ANO2: variants seen among roughly 807,000 people sequenced by gnomAD.
ANO2 encodes the protein anoctamin-2.
In ANO2, 101 loss-of-function variants were observed where a neutral mutation model predicts 124.2. The observed-to-expected ratio is 0.81, with a 90% CI of 0.69 to 0.96. The LOEUF (loss-of-function observed/expected upper bound fraction) is 0.96, where lower values mean the gene tolerates loss of function less well. Ranked by LOEUF, ANO2 falls within the 40% of genes least tolerant of loss-of-function variation. ANO2 has a pLI of 0.00. For synonymous variants in ANO2, 486 were observed against 482.5 expected, an observed-to-expected ratio of 1.01 and a Z score of -0.09; for missense variants, 1,293 against 1,274.5, an observed-to-expected ratio of 1.01 and a Z score of -0.22.
Position 5,832,527 on chromosome 12 carries a change from T to C in ANO2, c.710A>G (p.Gln237Arg), listed in dbSNP as rs1187266434. 3 of 1,613,918 alleles carry C rather than the reference T, an allele frequency of 1.9e-6. No individual in the cohort carries two copies. The highest frequency in any genetic ancestry group is 2.7e-5 in the African/African-American group (2 of 74,946). The part of the protein sequence containing the change: ...AALQKLSSHL[Q>R]PRVPEHSNNK... ...GTTGCTGTGTTCTGGAACTCGGGGC[T>C]GCAGGTGCGAGCTCAGCTTCTGCAG... The change falls in exon 5 of 25, where the codon CAG becomes CGG. Residue 237 changes from glutamine (Q) to arginine (R), a missense_variant. Transcript: ENST00000682330.
chr12:5,733,167 C>T, intron 13 of ANO2: 1 of 511,144 alleles, frequency 2.0e-6, no homozygotes, highest in Non-Finnish European at 3.6e-6. Context: ...TCAAGGGTGG[C>T]CATAGGGAAT....
intron 14 of ANO2, among the ~76,000 whole-genome samples, chr12:5,709,811 C>T (rs1014300537): frequency 2.6e-5 from 4 of 152,216 alleles, no homozygotes; most frequent in Non-Finnish European, 5.9e-5. Flanking sequence ...TCTGTAAGGA[C>T]AGAGCATCTT....
At chr12:5,801,906 C>A (rs1417895187) in intron 9 of ANO2, among the ~76,000 whole-genome samples, 7 of 152,336 alleles carry the variant, frequency 4.6e-5, no homozygotes, top group African/African-American at 1.7e-4. Flanking sequence ...AAACCCTGGG[C>A]TCTCCAACAC....
Position 5,922,610 on chromosome 12 carries a change from C to CCCAAAAA in ANO2, c.207+9_207+10insTTTTTGG. The CCCAAAAA allele has an allele frequency of 6.6e-7, 1 of 1,525,508 alleles. No individual in the cohort carries two copies. Among genetic ancestry groups the CCCAAAAA allele is most frequent in the Non-Finnish European group, 8.8e-7 (1 of 1,136,242 alleles). 94.5% of individuals were successfully genotyped at this position (1,525,508 alleles called of 1,614,324 possible). On this transcript the variant is annotated intron_variant, in intron 2 of 24. Transcript: ENST00000682330. Reference sequence around the variant, plus strand: ...CCTATCCCCCCACCCCACCCCCGCCCAGTACTCACAGAGCTGCTGCGGGTG... The same window carrying CCCAAAAA: ...CCTATCCCCCCACCCCACCCCCGCCCCCAAAAAAGTACTCACAGAGCTGCTGCGGGTG...
In ANO2 at chr12:5,945,187, A is replaced by C. The variant is rs564208938; in HGVS notation, c.22+9T>G. 2.8e-5 allele frequency: 36 copies of C among 1,288,688 alleles called. No homozygotes were observed. In the South Asian group the frequency reaches 3.5e-4, roughly 12 times the overall value. 79.8% of individuals were successfully genotyped at this position (1,288,688 alleles called of 1,614,324 possible). On this transcript the variant is annotated intron_variant, in intron 1 of 24. Transcript: ENST00000682330. ...GGAGACCAGGACCAGGTCCAGCCGG[A>C]AAACTCACCGCGCGGCCCGGGAGTC... is the stretch of plus-strand genomic sequence containing the variant.
intron 16 of ANO2, among the ~76,000 whole-genome samples, chr12:5,633,663 C>T (rs917725006): frequency 2.6e-5 from 4 of 152,178 alleles, no homozygotes; most frequent in Non-Finnish European, 4.4e-5. Context: ...GTGCCCTGGA[C>T]GTAGAGCCCC....
intron 3 of ANO2, among the ~76,000 whole-genome samples, chr12:5,880,530 T>C (rs1224384046): frequency 6.6e-6 from 1 of 151,906 alleles, no homozygotes; most frequent in African/African-American, 2.4e-5. Context: ...AGGAAGCCCA[T>C]AGAGGCAGAG....
At chr12:5,839,687 G>A (rs1954450229) in intron 4 of ANO2, 1 of 454,038 alleles carries the variant, frequency 2.2e-6, no homozygotes, top group African/African-American at 2.0e-5. Context: ...TTCCATGTAT[G>A]GAATGTTTTG....
At chr12:5,579,285 G>A (rs937144802) in intron 20 of ANO2, among the ~76,000 whole-genome samples, 4 of 152,218 alleles carry the variant, frequency 2.6e-5, no homozygotes, top group African/African-American at 9.6e-5. Context: ...AAGGTTTTAT[G>A]TATGCCAAGA....
At chr12:5,821,625 T>C (rs1343003792) in intron 7 of ANO2, among the ~76,000 whole-genome samples, 1 of 152,242 alleles carries the variant, frequency 6.6e-6, no homozygotes, top group African/African-American at 2.4e-5. Context: ...AGCAAGGCCC[T>C]GCCATCTTCT....
intron 7 of ANO2, among the ~76,000 whole-genome samples, chr12:5,826,469 T>C (rs1591661930): frequency 2.4e-5 from 2 of 83,552 alleles, no homozygotes; most frequent in East Asian, 8.0e-4. Context: ...TATATATATA[T>C]ATATATATCC....
intron 4 of ANO2, among the ~76,000 whole-genome samples, chr12:5,837,493 A>C (rs1954368094): frequency 1.1e-5 from 1 of 92,990 alleles, no homozygotes. Context: ...CCACCCCACA[A>C]CAGTCCCCAG....
In ANO2 at chr12:5,770,592, C is replaced by T. The variant is rs527557508; in HGVS notation, c.1056-19622G>A. ...CTTTCAAAAATACACCAAATCCAAC[C>T]ATGTGTCACCATCTCCACCACCAAT... On this transcript the variant is annotated intron_variant, in intron 10 of 24. Transcript: ENST00000682330. Among the ~76,000 whole-genome samples, 9 of 152,218 alleles carry T rather than the reference C, an allele frequency of 5.9e-5. No homozygotes were observed. The East Asian group carries it at 1.5e-3, about 26-fold the overall frequency.
intron 16 of ANO2, among the ~76,000 whole-genome samples, chr12:5,618,412 T>C (rs1422014029): frequency 6.6e-6 from 1 of 152,148 alleles, no homozygotes; most frequent in African/African-American, 2.4e-5. Context: ...TACGTAGGTG[T>C]GCACTGTCAT....
At chr12:5,583,927 G>C (rs1942929515) in intron 20 of ANO2, 1 of 222,716 alleles carries the variant, frequency 4.5e-6, no homozygotes, top group African/African-American at 2.3e-5. Context: ...GAGTGTGCCA[G>C]CTTCCTGCAC....
chr12:5,711,087 G>A (rs1332218087), intron 14 of ANO2, among the ~76,000 whole-genome samples: 1 of 151,942 alleles, frequency 6.6e-6, no homozygotes, highest in Non-Finnish European at 1.5e-5. Flanking sequence ...GAACCTGGGA[G>A]GCAGAGCTTG....
rs189907814 is a variant in ANO2 at position 5,665,863 on chromosome 12, C to T, written c.1546-18062G>A. ...TACTCTGTACCACAGGGTACAGAGC[C>T]ACCCCCCTGTGCCACTGGCTGGGGG... On this transcript the variant is annotated intron_variant, in intron 14 of 24. Coordinates refer to ENST00000682330, the MANE Select transcript of ANO2 (RefSeq NM_001364791.2). Among the ~76,000 whole-genome samples, 388 of 152,230 alleles carry T rather than the reference C, an allele frequency of 2.5e-3. 3 individuals are homozygous for T. The highest frequency in any genetic ancestry group is 8.4e-3 in the African/African-American group (347 of 41,508).
chr12:5,938,063 C>T (rs1942728423), intron 1 of ANO2, among the ~76,000 whole-genome samples: 1 of 152,196 alleles, frequency 6.6e-6, no homozygotes, highest in East Asian at 1.9e-4. Flanking sequence ...ACTTCATATG[C>T]CTCACCCTGT....
At chr12:5,756,010 G>C (rs1204405822) in intron 10 of ANO2, among the ~76,000 whole-genome samples, 6 of 151,864 alleles carry the variant, frequency 4.0e-5, no homozygotes, top group African/African-American at 1.5e-4. Flanking sequence ...TCACTCTATG[G>C]TGTCCCATAA....
Sources: gnomAD v4.1 joint callset for allele counts (sites outside exome capture counted in the v4.1 genomes callset) on GRCh38, gnomAD v4.1.1 for gene constraint, MANE v1.5 for transcripts, NCBI Gene and HGNC (gene_info 2026-07-23, HGNC 2026-07-21) for gene names.